The following FMN1 variants were observed in gnomAD, a reference collection of about 807,000 sequenced individuals.
FMN1 encodes the protein formin 1, also known as formin-1.
FMN1 carries 110 observed loss-of-function variants against 132.4 expected under a neutral mutation model. The ratio of observed to expected loss-of-function variants is 0.83; its 90% confidence interval spans 0.71 to 0.97. The LOEUF (loss-of-function observed/expected upper bound fraction) is 0.97. Among genes scored for constraint, FMN1 ranks in the 50% least tolerant of loss-of-function variants. The pLI is 0.00. For missense variants in FMN1, 1,792 were observed against 1,705.3 expected, an observed-to-expected ratio of 1.05 and a Z score of -0.90; for synonymous variants, 722 against 651.7, an observed-to-expected ratio of 1.11 and a Z score of -1.64.
chr15:33,015,587 A>G (rs1434011587), intron 6 of FMN1, among the ~76,000 whole-genome samples: 2 of 152,192 alleles, frequency 1.3e-5, no homozygotes, highest in African/African-American at 4.8e-5. Context: ...TGAATTCTCC[A>G]CTGAGTAGGA....
chr15:32,939,881 T>C (rs2061362552), intron 9 of FMN1, among the ~76,000 whole-genome samples: 1 of 152,192 alleles, frequency 6.6e-6, no homozygotes, highest in Non-Finnish European at 1.5e-5. Context: ...CTTAATATTC[T>C]GCTCTTTTTA....
rs3081377 is a variant in FMN1 at position 32,951,424 on chromosome 15, GACACACACACACAC to G, written c.3138+12669_3138+12682del. Among the ~76,000 whole-genome samples, 73 of 149,070 alleles carry G rather than the reference GACACACACACACAC, an allele frequency of 4.9e-4. No homozygotes were observed. In the East Asian group the frequency reaches 0.012, roughly 24 times the overall value. On this transcript the variant is annotated intron_variant, in intron 9 of 20. Transcript: ENST00000616417. ...TAACTGCATAGCTGCGCCCCAGTGGGACACACACACACACACACACACACACACACACATCCACG... is the reference window on the plus strand; with the variant it reads ...TAACTGCATAGCTGCGCCCCAGTGGGACACACACACACACACACATCCACG...
intron 4 of FMN1, among the ~76,000 whole-genome samples, chr15:33,097,297 C>T (rs2039122687): frequency 7.1e-6 from 1 of 140,928 alleles, no homozygotes; most frequent in Admixed American, 6.9e-5. Context: ...GAGTGAGACC[C>T]TGTCTTAAAA....
chr15:33,000,366 G>A (rs936057168), intron 7 of FMN1, among the ~76,000 whole-genome samples: 8 of 151,024 alleles, frequency 5.3e-5, no homozygotes, highest in South Asian at 2.1e-4. Flanking sequence ...GGAGAATGGC[G>A]TGAACCTGGG....
intron 4 of FMN1, chr15:33,151,096 A>G (rs1964420272): frequency 7.5e-7 from 1 of 1,339,434 alleles, no homozygotes. Flanking sequence ...GAAAGGGAAA[A>G]TCAAGAGAGA....
At chr15:33,128,884 T>C (rs111743458) in intron 4 of FMN1, among the ~76,000 whole-genome samples, 1 of 150,866 alleles carries the variant, frequency 6.6e-6, no homozygotes, top group Admixed American at 6.6e-5. Context: ...CGTGGCCAGC[T>C]TTTATTCCCT....
At chr15:32,849,640 C>A (rs28622202) in intron 17 of FMN1, among the ~76,000 whole-genome samples, 37,968 of 151,684 alleles carry the variant, frequency 0.25, 4,974 homozygotes, top group Non-Finnish European at 0.29. Flanking sequence ...ACCTAATAGA[C>A]CTGTGATAAA....
intron 6 of FMN1, among the ~76,000 whole-genome samples, chr15:33,039,781 T>A (rs1021892880): frequency 2.6e-5 from 4 of 152,104 alleles, no homozygotes; most frequent in African/African-American, 9.7e-5. Context: ...CTCGGTGTCA[T>A]GAATAATAAA....
At chr15:33,027,383 C>T (rs184246566) in intron 6 of FMN1, among the ~76,000 whole-genome samples, 3 of 152,258 alleles carry the variant, frequency 2.0e-5, no homozygotes, top group Admixed American at 2.0e-4. Context: ...TAAGTAATTA[C>T]TCATTCACTC....
chr15:32,894,781 T>C (rs1275828805), intron 15 of FMN1, among the ~76,000 whole-genome samples: 1 of 144,960 alleles, frequency 6.9e-6, no homozygotes, highest in African/African-American at 2.8e-5. Flanking sequence ...GAGAAGACAG[T>C]TAAAAAAAAA....
In FMN1 at chr15:32,768,016, T is replaced by A. The variant is rs1184762902; in HGVS notation, c.*6294A>T. On this transcript the variant is annotated 3_prime_UTR_variant, in exon 21 of 21. Coordinates refer to ENST00000616417, the MANE Select transcript of FMN1 (RefSeq NM_001277313.2). ...GAAGCGAGGAAAAAGGAGATATTTATAATTCACAAAAACATCTAAAATGTA... is the reference window on the plus strand; with the variant it reads ...GAAGCGAGGAAAAAGGAGATATTTAAAATTCACAAAAACATCTAAAATGTA... 1 of 152,236 alleles carries A rather than the reference T, an allele frequency of 6.6e-6. No individual in the cohort carries two copies. The highest frequency in any genetic ancestry group is 1.9e-4 in the East Asian group (1 of 5,204). 9.4% of individuals were successfully genotyped at this position (152,236 alleles called of 1,614,324 possible).
intron 4 of FMN1, among the ~76,000 whole-genome samples, chr15:33,138,069 C>T (rs1963848973): frequency 2.0e-5 from 3 of 152,166 alleles, no homozygotes; most frequent in Admixed American, 2.0e-4. Context: ...ATCTGGTACA[C>T]AAGAATAAAG....
At chr15:32,849,226 C>T (rs1313607468) in intron 17 of FMN1, among the ~76,000 whole-genome samples, 6 of 151,024 alleles carry the variant, frequency 4.0e-5, no homozygotes, top group African/African-American at 1.5e-4. Context: ...CTCCTGACCT[C>T]GTGATCTGCC....
chr15:32,970,849 T>C (rs1264333302), intron 7 of FMN1: 1 of 152,194 alleles, frequency 6.6e-6, no homozygotes, highest in Non-Finnish European at 1.5e-5. Flanking sequence ...TTCTCTAATA[T>C]TCATTCTCAA....
At chr15:32,860,081 CA>C (rs1266167247) in intron 16 of FMN1, among the ~76,000 whole-genome samples, 10 of 131,334 alleles carry the variant, frequency 7.6e-5, no homozygotes, top group African/African-American at 2.1e-4. Flanking sequence ...AAGGCAAAGG[CA>C]AAGGCAAGGC....
At chr15:32,781,537 A>G (rs1278629888) in intron 19 of FMN1, among the ~76,000 whole-genome samples, 1 of 152,236 alleles carries the variant, frequency 6.6e-6, no homozygotes, top group Non-Finnish European at 1.5e-5. Flanking sequence ...GATTTTATTG[A>G]CAAATACTGG....
intron 10 of FMN1, among the ~76,000 whole-genome samples, chr15:32,924,712 G>C (rs2060914528): frequency 6.6e-6 from 1 of 152,226 alleles, no homozygotes; most frequent in South Asian, 2.1e-4. Context: ...CTGAGGTCAG[G>C]AGTTCGAGAC....
At chr15:33,128,253 CAGAG>C (rs113236506) in intron 4 of FMN1, among the ~76,000 whole-genome samples, 4,065 of 152,176 alleles carry the variant, frequency 0.027, 178 homozygotes, top group African/African-American at 0.094. Context: ...CCAACACCCT[CAGAG>C]AGCAATAATT....
At chr15:32,917,580 C>T (rs1401941747) in intron 10 of FMN1, among the ~76,000 whole-genome samples, 2 of 152,126 alleles carry the variant, frequency 1.3e-5, no homozygotes, top group African/African-American at 2.4e-5. Context: ...GAGGCGGGTG[C>T]GTTTGTTGTT....
Sources: allele counts gnomAD v4.1 joint callset (sites outside exome capture counted in the v4.1 genomes callset), GRCh38; gene constraint gnomAD v4.1.1; transcripts MANE v1.5; gene names NCBI Gene and HGNC (gene_info 2026-07-23, HGNC 2026-07-21).